Variants in COX20 observed in about 807,000 individuals in gnomAD.
COX20 encodes cytochrome c oxidase assembly factor COX20.
COX20 carries 14 observed loss-of-function variants against 14.3 expected under a neutral mutation model. The observed-to-expected ratio is 0.98, with a 90% confidence interval of 0.65 to 1.53. The LOEUF (loss-of-function observed/expected upper bound fraction) is 1.53, where lower values mean the gene tolerates loss of function less well. Ranked by LOEUF, COX20 falls within the 40% of genes most tolerant of loss-of-function variation. The pLI is 0.00. For missense variants in COX20, 149 were observed against 142.1 expected, an observed-to-expected ratio of 1.05 and a Z score of -0.25; for synonymous variants, 56 against 51.7, an observed-to-expected ratio of 1.08 and a Z score of -0.36.
In COX20 at chr1:244,835,723, C is replaced by T. The variant is rs1445158730; in HGVS notation, c.9C>T (p.Ala3=). The T allele has an allele frequency of 5.0e-5, 63 of 1,268,490 alleles. No individual in the cohort carries two copies. The highest frequency in any genetic ancestry group is 6.3e-5 in the Non-Finnish European group (63 of 1,004,536). The allele number at this position is 1,268,490 out of a possible 1,614,324, so 78.6% of individuals were successfully genotyped here. Residue 3 remains alanine (A), a synonymous_variant, in exon 1 of 4, where the codon GCC becomes GCT. Transcript: ENST00000411948. The stretch of plus-strand genomic sequence containing the variant: ...GTCGCGGAGTAGTCCTCATGGCCGC[C>T]CCGCCGGAGCCCGGTGAGCCCGAGG... MA[A]PPEPGEPEER...
intron 1 of COX20, among the ~76,000 whole-genome samples, chr1:244,838,436 A>C (rs1435999991): frequency 6.6e-6 from 1 of 152,220 alleles, no homozygotes; most frequent in Non-Finnish European, 1.5e-5. Flanking sequence ...CTAGATTCCA[A>C]AGGAGTTAAG....
At chr1:244,838,156 T>C (rs948859861) in intron 1 of COX20, among the ~76,000 whole-genome samples, 1 of 152,206 alleles carries the variant, frequency 6.6e-6, no homozygotes, top group Non-Finnish European at 1.5e-5. Context: ...CTTGCTAATA[T>C]ATTTGATGTG....
chr1:244,842,876 CT>C, intron 3 of COX20, 164 bp from the exon 4 acceptor site: 1 of 505,432 alleles, frequency 2.0e-6, no homozygotes, highest in Non-Finnish European at 3.5e-6. Flanking sequence ...GATAGGTATT[CT>C]GACACCAAAA....
At chr1:244,838,571 T>G (rs1680072945) in intron 1 of COX20, among the ~76,000 whole-genome samples, 1 of 152,164 alleles carries the variant, frequency 6.6e-6, no homozygotes, top group Non-Finnish European at 1.5e-5. Context: ...AAATGATAAT[T>G]TGTGCCACAT....
rs376710242 is a variant in COX20, at chr1:244,842,083, T to C, written c.157+25T>C. Reference sequence around the variant, plus strand: ...AGTGAGTATCTGTATTTTTTATTTCTCTATGTACTAAAAAAAGCATTTCTC... The same window carrying C: ...AGTGAGTATCTGTATTTTTTATTTCCCTATGTACTAAAAAAAGCATTTCTC... On this transcript the variant is annotated intron_variant, in intron 2 of 3. Coordinates refer to ENST00000411948, the MANE Select transcript of COX20 (RefSeq NM_198076.6). The C allele has an allele frequency of 1.4e-5, 22 of 1,545,100 alleles. No individual in the cohort carries two copies. The African/African-American group carries it at 2.1e-4, about 14-fold the overall frequency.
upstream of COX20, chr1:244,835,642 G>C (rs1424853889): frequency 1.7e-6 from 2 of 1,161,272 alleles, no homozygotes; most frequent in African/African-American, 3.2e-5. Flanking sequence ...GGACGGGGAG[G>C]GGCGCGGCCA....
upstream of COX20, chr1:244,835,633 G>A (rs1679943685): frequency 2.0e-5 from 22 of 1,109,946 alleles, no homozygotes; most frequent in East Asian, 3.2e-5. Context: ...GTGGGGGCGG[G>A]ACGGGGAGGG....
At chr1:244,835,375 G>T (rs1405869677), upstream of COX20, 1 of 270,482 alleles carries the variant, frequency 3.7e-6, no homozygotes, top group African/African-American at 2.2e-5. Flanking sequence ...GCTGGCGCGG[G>T]AAGCGGGGCT....
chr1:244,835,755 A>C lies in COX20; in HGVS notation c.41A>C (p.Lys14Thr). 8.1e-7 allele frequency: 1 copy of C among 1,228,690 alleles called. No individual in the cohort carries two copies. Among genetic ancestry groups the C allele is most frequent in the Non-Finnish European group, 1.0e-6 (1 of 981,466 alleles). The allele number at this position is 1,228,690 out of a possible 1,614,324, so 76.1% of individuals were successfully genotyped here. The change falls in exon 1 of 4, where the codon AAG (lysine) becomes ACG (threonine). Residue 14 changes from lysine to threonine, a missense_variant and splice_region_variant. By Grantham distance (78) the Lys-to-Thr change is moderately conservative (BLOSUM62 -1). Coordinates refer to ENST00000411948, the MANE Select transcript of COX20 (RefSeq NM_198076.6). Reference sequence around the variant, plus strand: ...GAGCCCGGTGAGCCCGAGGAGAGGAAGGTAACCTGGGGGTCGGCGGGGCGC... The same window carrying C: ...GAGCCCGGTGAGCCCGAGGAGAGGACGGTAACCTGGGGGTCGGCGGGGCGC... Reference protein sequence around the residue: ...PPEPGEPEERKSLKLLGFLDV... With the variant: ...PPEPGEPEERTSLKLLGFLDV...
upstream of COX20, chr1:244,835,640 AGG>A (rs1169965695): frequency 4.6e-4 from 491 of 1,074,230 alleles, 2 homozygotes; most frequent in Middle Eastern, 0.012. Flanking sequence ...CGGGACGGGG[AGG>A]GGCGCGGCCA....
In COX20 at chr1:244,845,041, A is replaced by AT. The variant is rs1041653226; in HGVS notation, c.*1866dup. ...ACTTATAATGTCTAATACAAAATAA[A>AT]TGCTATGTAAATGTAATTATTATAC... On this transcript the variant is annotated 3_prime_UTR_variant, in exon 4 of 4. Coordinates refer to ENST00000411948, the MANE Select transcript of COX20 (RefSeq NM_198076.6). 1 of 166,356 alleles carries AT rather than the reference A, an allele frequency of 6.0e-6. No individual in the cohort carries two copies. The highest frequency in any genetic ancestry group is 2.4e-5 in the African/African-American group (1 of 41,412). The allele number at this position is 166,356 out of a possible 1,614,324, so 10.3% of individuals were successfully genotyped here.
In COX20 at chr1:244,843,049, G is replaced by T. The variant is rs2102976618; in HGVS notation, c.230G>T (p.Cys77Phe). 2 of 1,555,070 alleles carry T rather than the reference G, an allele frequency of 1.3e-6. No individual in the cohort carries two copies. Among genetic ancestry groups the T allele is most frequent in the Non-Finnish European group, 1.7e-6 (2 of 1,153,300 alleles). ...ILVTLGCWFH[C>F]RYNYAKQRIQ... ...TATTCTTTTCTTCTAAGGTTTCATT[G>T]TAGGTATAATTATGCAAAGCAAAGA... The change falls in exon 4 of 4, where the codon TGT becomes TTT. Residue 77 changes from cysteine (C) to phenylalanine (F), a missense_variant. Physicochemically the swap from Cys to Phe is radical, Grantham distance 205. Coordinates refer to ENST00000411948, the MANE Select transcript of COX20 (RefSeq NM_198076.6).
rs1680325673 is a variant in COX20 at position 244,844,033 on chromosome 1, AAC to A, written c.*861_*862del. ...TAAGAAAATCTGTTAAATATAACAA[AAC>A]ACAAGCTAGATGCTTAAGAAATGCT... is the stretch of plus-strand genomic sequence containing the variant. On this transcript the variant is annotated 3_prime_UTR_variant, in exon 4 of 4. Transcript: ENST00000411948. 1 of 152,228 alleles carries A rather than the reference AAC, an allele frequency of 6.6e-6. No homozygotes were observed. Among genetic ancestry groups the A allele is most frequent in the Non-Finnish European group, 1.5e-5 (1 of 68,044 alleles). The allele number at this position is 152,228 out of a possible 1,614,324, so 9.4% of individuals were successfully genotyped here. A position where few individuals can be genotyped will look rare whatever the true frequency, so the allele number is the denominator to read the frequency against.
rs1414138942 is a variant in COX20 at position 244,835,658 on chromosome 1, G to A, written c.-57G>A. On this transcript the variant is annotated 5_prime_UTR_variant, in exon 1 of 4. Coordinates refer to ENST00000411948, the MANE Select transcript of COX20 (RefSeq NM_198076.6). ...GACGGGGAGGGGCGCGGCCAGCCGG[G>A]CTTCTGCTTCCGCGACCCCGGCGGT... 34 of 1,221,688 alleles carry A rather than the reference G, an allele frequency of 2.8e-5. 1 individual carries two copies. Among genetic ancestry groups the A allele is most frequent in the Middle Eastern group, 3.2e-4 (1 of 3,158 alleles). 75.7% of individuals were successfully genotyped at this position (1,221,688 alleles called of 1,614,324 possible).
Position 244,844,199 on chromosome 1 carries a change from T to A in COX20, c.*1023T>A, listed in dbSNP as rs2102978082. 1 of 152,320 alleles carries A rather than the reference T, an allele frequency of 6.6e-6. No homozygotes were observed. The highest frequency in any genetic ancestry group is 6.5e-5 in the Admixed American group (1 of 15,294). 9.4% of individuals were successfully genotyped at this position (152,320 alleles called of 1,614,324 possible). A position where few individuals can be genotyped will look rare whatever the true frequency, so the allele number is the denominator to read the frequency against. On this transcript the variant is annotated 3_prime_UTR_variant, in exon 4 of 4. Coordinates refer to ENST00000411948, the MANE Select transcript of COX20 (RefSeq NM_198076.6). The stretch of plus-strand genomic sequence containing the variant: ...AGTTATTTTGATCTACATCTTTTTC[T>A]AAAGAAAAGTGGAGCTTGCCTCCAG...
intron 1 of COX20, among the ~76,000 whole-genome samples, chr1:244,836,269 C>A (rs1238883441): frequency 6.6e-6 from 1 of 152,212 alleles, no homozygotes. Context: ...CCATACTCTC[C>A]TGAATCCACC....
intron 1 of COX20, among the ~76,000 whole-genome samples, chr1:244,837,585 A>G (rs535429079): frequency 6.6e-6 from 1 of 152,332 alleles, no homozygotes; most frequent in South Asian, 2.1e-4. Flanking sequence ...CATTCAGGTA[A>G]ATTCTTAATT....
chr1:244,844,972 A>C lies in COX20; in HGVS notation c.*1796A>C, dbSNP rs1680370303. On this transcript the variant is annotated 3_prime_UTR_variant, in exon 4 of 4. Coordinates refer to ENST00000411948, the MANE Select transcript of COX20 (RefSeq NM_198076.6). ...ATAAAATACCCTCATATTTCCATAT[A>C]ATCTACATACATTCTCCCATATACT... 6.3e-6 allele frequency: 1 copy of C among 157,820 alleles called. No homozygotes were observed. Among genetic ancestry groups the C allele is most frequent in the South Asian group, 2.1e-4 (1 of 4,836 alleles). 9.8% of individuals were successfully genotyped at this position (157,820 alleles called of 1,614,324 possible).
chr1:244,841,060 T>G (rs1329634735), intron 1 of COX20: 3 of 152,234 alleles, frequency 2.0e-5, no homozygotes, highest in Non-Finnish European at 4.4e-5. Flanking sequence ...ACTGTTACTT[T>G]TAAATGTCTG....
Sources: allele counts gnomAD v4.1 joint callset (sites outside exome capture counted in the v4.1 genomes callset), GRCh38; gene constraint gnomAD v4.1.1; transcripts MANE v1.5; gene names NCBI Gene and HGNC (gene_info 2026-07-23, HGNC 2026-07-21).